The following DNAH7 variants were observed in gnomAD, a reference collection of about 807,000 sequenced individuals.
DNAH7 encodes axonemal beta dynein heavy chain 7.
DNAH7 carries 397 observed loss-of-function variants against 444.6 expected under a neutral mutation model. The ratio of observed to expected loss-of-function variants is 0.89; its 90% CI spans 0.82 to 0.97. DNAH7 has a LOEUF of 0.97. Ranked by LOEUF, DNAH7 falls within the 50% of genes least tolerant of loss-of-function variation. The probability of loss-of-function intolerance (pLI) is 0.00; values close to 1 mark genes in which losing one functional copy is unlikely to be tolerated. For missense variants in DNAH7, 4,902 were observed against 4,800.8 expected (o/e 1.02, Z -0.62); for synonymous variants, 1,636 against 1,624.4 (o/e 1.01, Z -0.17).
At chr2:195,859,625 AC>A (rs2125072220) in intron 42 of DNAH7, among the ~76,000 whole-genome samples, 1 of 152,312 alleles carries the variant, frequency 6.6e-6, no homozygotes, top group African/African-American at 2.4e-5. Context: ...GGAAAAGGTA[AC>A]CTGGAGAACA....
chr2:195,853,305 G>C (rs751087535), intron 46 of DNAH7, 38 bp downstream of exon 46: 2 of 1,571,298 alleles, frequency 1.3e-6, no homozygotes, highest in South Asian at 1.2e-5. Flanking sequence ...GGCTGTGATG[G>C]GCAGAGGGTC....
At chr2:195,972,933 C>G (rs1436496197) in intron 15 of DNAH7, among the ~76,000 whole-genome samples, 2 of 152,182 alleles carry the variant, frequency 1.3e-5, no homozygotes, top group Admixed American at 6.5e-5. Flanking sequence ...TGTAAAACTT[C>G]GAGCTTGCAA....
chr2:195,947,612 A>G lies in DNAH7; in HGVS notation c.3078+9649T>C, dbSNP rs563297903. Among the ~76,000 whole-genome samples, 3 of 152,216 alleles carry G rather than the reference A, an allele frequency of 2.0e-5. No homozygotes were observed. In the East Asian group the frequency reaches 5.8e-4, roughly 29 times the overall value. ...TCCAGCTTCATTCATGTCCCTGTAA[A>G]GGACATGAACTCATCCTTTTTTATG... is the stretch of plus-strand genomic sequence containing the variant. On this transcript the variant is annotated intron_variant, in intron 19 of 64. Coordinates refer to ENST00000312428, the MANE Select transcript of DNAH7 (RefSeq NM_018897.3).
At chr2:195,744,994 A>G (rs913129688) in intron 63 of DNAH7, among the ~76,000 whole-genome samples, 5 of 152,248 alleles carry the variant, frequency 3.3e-5, no homozygotes, top group Non-Finnish European at 5.9e-5. Flanking sequence ...AACGGAACAG[A>G]GCTGGACGGA....
At chr2:195,858,442 G>A (rs1699839907) in intron 43 of DNAH7, 32 bp downstream of exon 43, 1 of 1,497,282 alleles carries the variant, frequency 6.7e-7, no homozygotes, top group Non-Finnish European at 9.0e-7. Context: ...ATGATGACAT[G>A]TGTCCTAGAA....
chr2:196,055,149 A>C (rs1324051726), intron 2 of DNAH7, among the ~76,000 whole-genome samples: 1 of 152,150 alleles, frequency 6.6e-6, no homozygotes, highest in Admixed American at 6.5e-5. Flanking sequence ...AGAGCCCAGG[A>C]GTTCAAGACC....
At chr2:195,751,919 A>C (rs1693820539) in intron 63 of DNAH7, among the ~76,000 whole-genome samples, 1 of 152,168 alleles carries the variant, frequency 6.6e-6, no homozygotes, top group Non-Finnish European at 1.5e-5. Flanking sequence ...ATTAAGGGCA[A>C]TAAGTGGGTA....
chr2:195,858,293 C>T (rs1329178551), intron 43 of DNAH7, among the ~76,000 whole-genome samples, 181 bp downstream of exon 43: 1 of 152,208 alleles, frequency 6.6e-6, no homozygotes, highest in African/African-American at 2.4e-5. Flanking sequence ...GGTGTTTTTG[C>T]ATGCACATGC....
intron 5 of DNAH7, among the ~76,000 whole-genome samples, chr2:196,039,214 G>GA (rs1219295560): frequency 6.6e-6 from 1 of 152,070 alleles, no homozygotes; most frequent in Non-Finnish European, 1.5e-5. Context: ...GAGCAACTTT[G>GA]AAAACAGTAC....
intron 36 of DNAH7, among the ~76,000 whole-genome samples, chr2:195,877,100 A>T (rs910831121): frequency 2.0e-5 from 3 of 152,242 alleles, no homozygotes; most frequent in Non-Finnish European, 4.4e-5. Flanking sequence ...GTAAGTTAGA[A>T]AGCTTAAAAA....
At chr2:195,802,081 G>C in intron 54 of DNAH7, among the ~76,000 whole-genome samples, 1 of 151,958 alleles carries the variant, frequency 6.6e-6, no homozygotes, top group East Asian at 1.9e-4. Context: ...GTGAAAGTGG[G>C]GTTCTAATTA....
rs1381693749 is a variant in DNAH7, at chr2:195,768,146, A to C, written c.11433+3514T>G. On this transcript the variant is annotated intron_variant, in intron 61 of 64. Coordinates refer to ENST00000312428, the MANE Select transcript of DNAH7 (RefSeq NM_018897.3). ...ATTATTCTCAAATAATTCAGAAAAC[A>C]CTTATATATGGGTATATATATTTAT... Among the ~76,000 whole-genome samples, 9 of 148,624 alleles carry C rather than the reference A, an allele frequency of 6.1e-5. 1 individual carries two copies. Among genetic ancestry groups the C allele is most frequent in the Admixed American group, 4.0e-4 (6 of 14,852 alleles).
At chr2:195,857,245 A>G in intron 44 of DNAH7, 132 bp downstream of exon 44, 1 of 814,252 alleles carries the variant, frequency 1.2e-6, no homozygotes, top group East Asian at 2.8e-5. Context: ...GTAAATATGC[A>G]AACACAAAGC....
intron 60 of DNAH7, among the ~76,000 whole-genome samples, chr2:195,774,163 T>TA (rs1694963599): frequency 6.6e-6 from 1 of 152,236 alleles, no homozygotes; most frequent in South Asian, 2.1e-4. Context: ...CCCACTGTTT[T>TA]ACGTATTCTG....
intron 17 of DNAH7, among the ~76,000 whole-genome samples, chr2:195,962,578 T>C (rs1272515453): frequency 1.3e-5 from 2 of 152,124 alleles, no homozygotes; most frequent in Non-Finnish European, 2.9e-5. Context: ...TCAAATTCCT[T>C]GGCTCAAGTG....
chr2:195,949,030 T>C (rs1406797501), intron 19 of DNAH7, among the ~76,000 whole-genome samples: 6 of 152,196 alleles, frequency 3.9e-5, no homozygotes, highest in Admixed American at 3.9e-4. Context: ...GTTGTATTCC[T>C]AGGTATTTTA....
intron 1 of DNAH7, among the ~76,000 whole-genome samples, chr2:196,061,693 G>A (rs1388420571): frequency 3.9e-5 from 6 of 152,170 alleles, no homozygotes; most frequent in Non-Finnish European, 8.8e-5. Context: ...AAAGAAAGTG[G>A]AGAGTGGAAA....
intron 12 of DNAH7, chr2:195,999,342 CT>C (rs1693901424): frequency 1.6e-6 from 1 of 638,692 alleles, no homozygotes; most frequent in Admixed American, 2.6e-5. Flanking sequence ...CCAGTATTGT[CT>C]TTGAAATCAT....
At chr2:195,814,046 G>C (rs1196074684) in intron 51 of DNAH7, among the ~76,000 whole-genome samples, 2 of 152,214 alleles carry the variant, frequency 1.3e-5, no homozygotes, top group Non-Finnish European at 2.9e-5. Flanking sequence ...TCACCTTGGG[G>C]GAGAGGGTTA....
Sources: gnomAD v4.1 joint callset for allele counts (sites outside exome capture counted in the v4.1 genomes callset) on GRCh38, gnomAD v4.1.1 for gene constraint, MANE v1.5 for transcripts, NCBI Gene and HGNC (gene_info 2026-07-23, HGNC 2026-07-21) for gene names.